Variants in PTPRF observed in about 807,000 individuals in gnomAD.
PTPRF encodes protein tyrosine phosphatase receptor type F.
PTPRF carries 59 observed loss-of-function variants against 201.8 expected under a neutral mutation model. That is an observed-to-expected ratio of 0.29 (90% CI 0.24 to 0.36). PTPRF has a LOEUF of 0.36. Among genes scored for constraint, PTPRF ranks in the 10% least tolerant of loss-of-function variants. The pLI is 1.00. For missense variants in PTPRF, 2,132 were observed against 2,690.5 expected (o/e 0.79, Z 4.59); for synonymous variants, 1,088 against 1,089.7 (o/e 1.00, Z 0.03).
rs562568662 is a variant in PTPRF at position 43,591,483 on chromosome 1, C to T, written c.1461C>T (p.Arg487=). 1.0e-5 allele frequency: 16 copies of T among 1,599,080 alleles called. No individual in the cohort carries two copies. Among genetic ancestry groups the T allele is most frequent in the East Asian group, 4.5e-5 (2 of 44,544 alleles). The change falls in exon 9 of 34, where the codon CGC becomes CGT. Residue 487 remains arginine, a synonymous_variant. Coordinates refer to ENST00000359947, the MANE Select transcript of PTPRF (RefSeq NM_002840.5). ...SLLPGITYSL[R]VLAFTAVGDG... ...TGCCTGGCATCACCTACAGCCTGCG[C>T]GTGCTTGCCTTCACCGCCGTGGGCG... is the stretch of plus-strand genomic sequence containing the variant.
chr1:43,606,274 A>AGCGGCG lies in PTPRF; in HGVS notation c.3530_3535dup (p.Arg1177_Arg1178dup), dbSNP rs747723517. 9.3e-6 allele frequency: 15 copies of AGCGGCG among 1,613,230 alleles called. No individual in the cohort carries two copies. The highest frequency in any genetic ancestry group is 2.2e-5 in the East Asian group (1 of 44,882). ...GCCATCGAGCAAGGCGGAGAGGAGCAGCGGCGGCGGCGGCGGCAGGCAGAA... is the reference window on the plus strand; with the variant it reads ...GCCATCGAGCAAGGCGGAGAGGAGCAGCGGCGGCGGCGGCGGCGGCGGCAGGCAGAA... On this transcript the variant is annotated inframe_insertion, in exon 20 of 34. Transcript: ENST00000359947.
chr1:43,621,439 T>G (rs1403346057), intron 33 of PTPRF, among the ~76,000 whole-genome samples: 1 of 152,194 alleles, frequency 6.6e-6, no homozygotes, highest in Non-Finnish European at 1.5e-5. Flanking sequence ...GGTCAGAAGT[T>G]CGAGGCTGCA....
At chr1:43,579,128 G>C in intron 7 of PTPRF, 1 of 708,706 alleles carries the variant, frequency 1.4e-6, no homozygotes, top group Non-Finnish European at 2.6e-6. Flanking sequence ...CTTCCTTGCA[G>C]GCCCATGGGG....
intron 14 of PTPRF, 54 bp downstream of exon 14, chr1:43,602,151 G>C: frequency 6.4e-7 from 1 of 1,566,638 alleles, no homozygotes; most frequent in South Asian, 1.1e-5. Flanking sequence ...TGGGCTCGTG[G>C]GACGCTCCTC....
intron 21 of PTPRF, among the ~76,000 whole-genome samples, chr1:43,607,566 G>C (rs1655427274): frequency 6.6e-6 from 1 of 152,194 alleles, no homozygotes; most frequent in Admixed American, 6.5e-5. Flanking sequence ...GCACCTTCCA[G>C]CCTGAAAGGG....
chr1:43,618,185 C>T (rs573796237), intron 25 of PTPRF, among the ~76,000 whole-genome samples: 4 of 152,238 alleles, frequency 2.6e-5, no homozygotes, highest in East Asian at 1.9e-4. Context: ...CAGTTGCTGG[C>T]GTGTTCCCGG....
chr1:43,584,032 G>A (rs1192797088), intron 7 of PTPRF, among the ~76,000 whole-genome samples: 2 of 152,216 alleles, frequency 1.3e-5, no homozygotes, highest in African/African-American at 4.8e-5. Flanking sequence ...AGGTTAGGAA[G>A]GGTTTCCTGG....
chr1:43,588,926 G>T lies in PTPRF; in HGVS notation c.875G>T (p.Arg292Leu). 1 of 1,607,416 alleles carries T rather than the reference G, an allele frequency of 6.2e-7. No homozygotes were observed. The highest frequency in any genetic ancestry group is 8.5e-7 in the Non-Finnish European group (1 of 1,175,366). ...RNVLELSNVVRSANYTCVAIS... is the reference protein window; with the variant it reads ...RNVLELSNVVLSANYTCVAIS... Reference sequence around the variant, plus strand: ...GTCCTGGAGCTCAGCAATGTCGTACGCTCTGCCAACTACACCTGTGTGGCC... The same window carrying T: ...GTCCTGGAGCTCAGCAATGTCGTACTCTCTGCCAACTACACCTGTGTGGCC... The change falls in exon 8 of 34, where the codon CGC (arginine) becomes CTC (leucine). Residue 292 changes from arginine (R) to leucine (L), a missense_variant. Around this residue, in one of 6 missense-constraint regions of PTPRF, gnomAD observed 297 missense variants for 454.0 expected, o/e 0.65. Transcript: ENST00000359947. The surrounding 1 kb of genome is among the most constrained non-coding windows in gnomAD (Gnocchi z 5.3).
At chr1:43,609,636 T>C in intron 22 of PTPRF, 138 bp downstream of exon 22, 1 of 646,226 alleles carries the variant, frequency 1.5e-6, no homozygotes. Context: ...CTTTCTGCCC[T>C]TCTCCCTGTG....
intron 13 of PTPRF, among the ~76,000 whole-genome samples, chr1:43,601,405 G>A (rs533770128): frequency 6.6e-6 from 1 of 152,386 alleles, no homozygotes; most frequent in South Asian, 2.1e-4. Context: ...TCCCGTGCCT[G>A]TGGGCTACAG....
intron 22 of PTPRF, chr1:43,612,945 C>G (rs968301661): frequency 2.3e-5 from 16 of 704,042 alleles, no homozygotes; most frequent in Non-Finnish European, 3.3e-5. Flanking sequence ...CCCACTGTCT[C>G]CTAACCTTTT....
upstream of PTPRF, among the ~76,000 whole-genome samples, chr1:43,527,058 C>A (rs1035990081): frequency 2.0e-5 from 3 of 152,184 alleles, no homozygotes; most frequent in African/African-American, 7.2e-5. Flanking sequence ...TTGGTTTAGA[C>A]CAACTAAGGG....
At chr1:43,574,600 C>T (rs1018897206) in intron 6 of PTPRF, among the ~76,000 whole-genome samples, 1 of 152,182 alleles carries the variant, frequency 6.6e-6, no homozygotes, top group African/African-American at 2.4e-5. Flanking sequence ...AAAAACTCTA[C>T]GTTCATGAGA....
intron 7 of PTPRF, among the ~76,000 whole-genome samples, chr1:43,582,909 C>G (rs978580839): frequency 1.3e-5 from 2 of 152,216 alleles, no homozygotes; most frequent in Admixed American, 6.5e-5. Flanking sequence ...TTCGTGTGCA[C>G]CTGTGTGCAT....
chr1:43,555,252 A>T (rs941420783), intron 5 of PTPRF, among the ~76,000 whole-genome samples: 1 of 152,050 alleles, frequency 6.6e-6, no homozygotes, highest in African/African-American at 2.4e-5. Context: ...AAAATGTCTC[A>T]GTTTACCTCT....
intron 14 of PTPRF, among the ~76,000 whole-genome samples, 165 bp downstream of exon 14, chr1:43,602,262 C>T (rs1042532843): frequency 1.3e-5 from 2 of 152,248 alleles, no homozygotes; most frequent in South Asian, 2.1e-4. Context: ...AGCTGAGCAG[C>T]GATTGGCATT....
Position 43,620,232 on chromosome 1 carries a change from C to CCT in PTPRF, c.5238+12_5238+13dup. The CCT allele has an allele frequency of 6.2e-7, 1 of 1,613,590 alleles. No homozygotes were observed. The highest frequency in any genetic ancestry group is 1.7e-5 in the Admixed American group (1 of 59,986). On this transcript the variant is annotated intron_variant, in intron 30 of 33. Coordinates refer to ENST00000359947, the MANE Select transcript of PTPRF (RefSeq NM_002840.5). The stretch of plus-strand genomic sequence containing the variant: ...CGGGAGATGGGCAGGGTGAGCCCAC[C>CCT]CTTTCCCCCAGGGCCCCTGTCATAC...
In PTPRF at chr1:43,603,451, C is replaced by T; in HGVS notation, c.2376C>T (p.Thr792=). ...TCAGCGGCCTGACCCCGGAGACCAC[C>T]TACTCCGTTACTGTTGCTGCCTATA... is the stretch of plus-strand genomic sequence containing the variant. The part of the protein sequence containing the change: ...TTISGLTPET[T]YSVTVAAYTT... The change falls in exon 15 of 34, where the codon ACC becomes ACT. Residue 792 remains threonine, a synonymous_variant. Transcript: ENST00000359947. The surrounding 1 kb of genome is among the most constrained non-coding windows in gnomAD (Gnocchi z 5.8). The T allele has an allele frequency of 1.2e-6, 2 of 1,614,194 alleles. No individual in the cohort carries two copies. The highest frequency in any genetic ancestry group is 1.7e-6 in the Non-Finnish European group (2 of 1,180,030).
In PTPRF at chr1:43,591,295, C is replaced by T; in HGVS notation, c.1273C>T (p.Leu425=). Residue 425 remains leucine (L), a synonymous_variant, in exon 9 of 34, where the codon CTG becomes TTG. Coordinates refer to ENST00000359947, the MANE Select transcript of PTPRF (RefSeq NM_002840.5). ...SPPRRVQARM[L]SASTMLVQWE... Reference sequence around the variant, plus strand: ...ACCGCGCCGCGTGCAGGCACGCATGCTGAGCGCCAGCACCATGCTGGTGCA... The same window carrying T: ...ACCGCGCCGCGTGCAGGCACGCATGTTGAGCGCCAGCACCATGCTGGTGCA... 1 of 1,552,728 alleles carries T rather than the reference C, an allele frequency of 6.4e-7. No individual in the cohort carries two copies. Among genetic ancestry groups the T allele is most frequent in the South Asian group, 1.2e-5 (1 of 85,554 alleles).
Sources: gnomAD v4.1 joint callset for allele counts (sites outside exome capture counted in the v4.1 genomes callset) on GRCh38, gnomAD v4.1.1 for gene constraint, gnomAD v4.1.1 regional missense constraint, Gnocchi (gnomAD v3.1) non-coding constraint, MANE v1.5 for transcripts, NCBI Gene and HGNC (gene_info 2026-07-23, HGNC 2026-07-21) for gene names.